Variants in HS3ST4 observed in about 807,000 individuals in gnomAD.
The protein encoded by HS3ST4 is heparan sulfate glucosamine 3-O-sulfotransferase 4.
Under a neutral mutation model 29.2 loss-of-function variants are expected in HS3ST4, and 17 were observed. The observed-to-expected ratio is 0.58, with a 90% CI of 0.40 to 0.87. The LOEUF (loss-of-function observed/expected upper bound fraction) is 0.87, where lower values mean the gene tolerates loss of function less well. Among genes scored for constraint, HS3ST4 ranks in the 40% least tolerant of loss-of-function variants. The pLI is 0.00. For missense variants in HS3ST4, 627 were observed against 634.5 expected, an observed-to-expected ratio of 0.99 and a Z score of 0.13; for synonymous variants, 314 against 285.7, an observed-to-expected ratio of 1.10 and a Z score of -1.00.
At chr16:25,849,313 T>G (rs1967495195) in intron 1 of HS3ST4, among the ~76,000 whole-genome samples, 1 of 152,224 alleles carries the variant, frequency 6.6e-6, no homozygotes, top group Admixed American at 6.5e-5. Context: ...CGTGTATACA[T>G]GAACATATCT....
chr16:26,082,065 G>A (rs192037351), intron 1 of HS3ST4, among the ~76,000 whole-genome samples: 97 of 152,252 alleles, frequency 6.4e-4, no homozygotes, highest in African/African-American at 2.2e-3. Flanking sequence ...AAAGTGCTGG[G>A]ATTACAGGCA....
chr16:25,966,677 T>A (rs1330674666), intron 1 of HS3ST4, among the ~76,000 whole-genome samples: 1 of 147,878 alleles, frequency 6.8e-6, no homozygotes, highest in East Asian at 2.0e-4. Context: ...ATTATATCAC[T>A]GTTCTCTGTT....
rs772373744 is a variant in HS3ST4 at position 25,783,695 on chromosome 16, T to C, written c.734+90544T>C. Among the ~76,000 whole-genome samples, 5 of 152,204 alleles carry C rather than the reference T, an allele frequency of 3.3e-5. No homozygotes were observed. The East Asian group carries it at 9.6e-4, about 29-fold the overall frequency. Reference sequence around the variant, plus strand: ...ATGTTTCTGAACTTTTTTATTGTGGTAAAATATACAAAACATTAAATTTAC... The same window carrying C: ...ATGTTTCTGAACTTTTTTATTGTGGCAAAATATACAAAACATTAAATTTAC... On this transcript the variant is annotated intron_variant, in intron 1 of 1. Transcript: ENST00000331351.
intron 1 of HS3ST4, among the ~76,000 whole-genome samples, chr16:26,046,145 ATTT>A (rs146624042): frequency 5.0e-4 from 57 of 114,622 alleles, no homozygotes; most frequent in African/African-American, 1.6e-3. Flanking sequence ...AGGACAGGAA[ATTT>A]TTTTTTTTTT....
chr16:25,743,337 A>G (rs1966666693), intron 1 of HS3ST4, among the ~76,000 whole-genome samples: 1 of 152,256 alleles, frequency 6.6e-6, no homozygotes, highest in Non-Finnish European at 1.5e-5. Flanking sequence ...GAGTCCTGTG[A>G]ATGAAATGAA....
chr16:25,712,946 T>C (rs1966427230), intron 1 of HS3ST4, among the ~76,000 whole-genome samples: 1 of 152,220 alleles, frequency 6.6e-6, no homozygotes, highest in Non-Finnish European at 1.5e-5. Context: ...CTATTCTCCC[T>C]GTGTCTTCAC....
intron 1 of HS3ST4, among the ~76,000 whole-genome samples, chr16:25,797,895 G>A (rs1294761002): frequency 6.6e-6 from 1 of 152,200 alleles, no homozygotes; most frequent in Non-Finnish European, 1.5e-5. Flanking sequence ...TCTTTTGGCT[G>A]TGTGTGAAGG....
At chr16:26,048,239 C>T (rs942537014) in intron 1 of HS3ST4, among the ~76,000 whole-genome samples, 1 of 152,136 alleles carries the variant, frequency 6.6e-6, no homozygotes, top group Admixed American at 6.5e-5. Context: ...TCTCCAAATA[C>T]AATCATAACA....
chr16:25,888,231 A>T (rs1967974678), intron 1 of HS3ST4, among the ~76,000 whole-genome samples: 1 of 152,158 alleles, frequency 6.6e-6, no homozygotes, highest in African/African-American at 2.4e-5. Context: ...AAACCCAGCT[A>T]AAATTGCCTT....
chr16:26,105,741 A>G (rs1358456722), intron 1 of HS3ST4, among the ~76,000 whole-genome samples: 2 of 152,194 alleles, frequency 1.3e-5, no homozygotes, highest in East Asian at 1.9e-4. Flanking sequence ...TGCACCTGCT[A>G]TTTCCCCAGG....
intron 1 of HS3ST4, among the ~76,000 whole-genome samples, chr16:25,927,090 T>C (rs1968412278): frequency 6.6e-6 from 1 of 151,882 alleles, no homozygotes; most frequent in Admixed American, 6.6e-5. Context: ...TACTTTAAGG[T>C]CTTTGACTAA....
At chr16:25,922,572 A>T (rs79968700) in intron 1 of HS3ST4, among the ~76,000 whole-genome samples, 2 of 152,364 alleles carry the variant, frequency 1.3e-5, no homozygotes, top group East Asian at 3.9e-4. Context: ...ACTCCTTGAG[A>T]GAGAGGGTTG....
intron 1 of HS3ST4, among the ~76,000 whole-genome samples, chr16:25,944,472 G>C (rs1311022298): frequency 1.3e-5 from 2 of 152,196 alleles, no homozygotes; most frequent in Admixed American, 6.5e-5. Context: ...AAACCCCCTG[G>C]GGGGTAGGCA....
Position 26,058,757 on chromosome 16 carries a change from G to A in HS3ST4, c.735-76855G>A, listed in dbSNP as rs538922103. 1.6e-4 allele frequency among the ~76,000 whole-genome samples: 24 copies of A among 152,256 alleles called. No individual in the cohort carries two copies. The South Asian group carries it at 2.5e-3, about 16-fold the overall frequency. On this transcript the variant is annotated intron_variant, in intron 1 of 1. Coordinates refer to ENST00000331351, the MANE Select transcript of HS3ST4 (RefSeq NM_006040.3). ...ACTCTGGAATCTTGGCTTTGGAAGC[G>A]TCGTCAGAACACCTGACTCAGTCCC... is the stretch of plus-strand genomic sequence containing the variant.
chr16:25,795,739 A>T (rs77046154), intron 1 of HS3ST4, among the ~76,000 whole-genome samples: 10 of 152,168 alleles, frequency 6.6e-5, no homozygotes, highest in African/African-American at 1.9e-4. Context: ...GGGAACAGGC[A>T]TCTCAGACCA....
At chr16:25,716,014 C>G (rs74014824) in intron 1 of HS3ST4, among the ~76,000 whole-genome samples, 3,448 of 152,278 alleles carry the variant, frequency 0.023, 125 homozygotes, top group African/African-American at 0.078. Context: ...AGGAGCAGAG[C>G]TAGACAGCTT....
intron 1 of HS3ST4, among the ~76,000 whole-genome samples, chr16:25,751,977 A>G (rs893183100): frequency 5.4e-5 from 8 of 148,068 alleles, no homozygotes; most frequent in African/African-American, 2.0e-4. Context: ...TTTTAAATCT[A>G]CTCAACTGCT....
At chr16:25,772,088 A>C (rs1198043996) in intron 1 of HS3ST4, among the ~76,000 whole-genome samples, 1 of 152,230 alleles carries the variant, frequency 6.6e-6, no homozygotes, top group East Asian at 1.9e-4. Context: ...GCATGAAATA[A>C]AACTTTATGT....
intron 1 of HS3ST4, among the ~76,000 whole-genome samples, chr16:25,695,081 G>A (rs921408698): frequency 1.3e-5 from 2 of 152,138 alleles, no homozygotes; most frequent in African/African-American, 2.4e-5. Context: ...CTTGTTTGAC[G>A]TGGCTCCTGA....
Sources: allele counts gnomAD v4.1 joint callset (sites outside exome capture counted in the v4.1 genomes callset), GRCh38; gene constraint gnomAD v4.1.1; transcripts MANE v1.5; gene names NCBI Gene and HGNC (gene_info 2026-07-23, HGNC 2026-07-21).